Variants in CSMD1 observed in about 807,000 individuals in gnomAD.
The protein encoded by CSMD1 is CUB and Sushi multiple domains 1.
A neutral mutation model predicts 417.5 loss-of-function variants in CSMD1; 213 were observed. The observed-to-expected ratio is 0.51, with a 90% CI of 0.46 to 0.57. The LOEUF (loss-of-function observed/expected upper bound fraction) is 0.57. Ranked by LOEUF, CSMD1 falls within the 20% of genes least tolerant of loss-of-function variation. CSMD1 has a pLI of 0.00. For synonymous variants in CSMD1, 2,862 were observed against 1,736.8 expected, an observed-to-expected ratio of 1.65 and a Z score of -16.11; for missense variants, 6,923 against 4,529.7, an observed-to-expected ratio of 1.53 and a Z score of -15.17.
chr8:3,466,434 G>C (rs923304214), intron 12 of CSMD1, among the ~76,000 whole-genome samples: 11 of 151,812 alleles, frequency 7.2e-5, no homozygotes, highest in African/African-American at 2.4e-4. Context: ...TTTTAAGATG[G>C]AGTCTCACTC....
At chr8:3,304,748 T>TAAAA (rs1804692847) in intron 25 of CSMD1, among the ~76,000 whole-genome samples, 7 of 152,064 alleles carry the variant, frequency 4.6e-5, no homozygotes, top group Non-Finnish European at 1.0e-4. Flanking sequence ...TTTTTTTTAT[T>TAAAA]AAAATGTTAA....
intron 1 of CSMD1, among the ~76,000 whole-genome samples, chr8:4,963,608 T>C (rs181274162): frequency 4.6e-5 from 7 of 152,348 alleles, no homozygotes; most frequent in South Asian, 2.1e-4. Context: ...TGCTATCATT[T>C]ATTTCCTGTA....
chr8:3,160,099 C>A (rs999242728), intron 38 of CSMD1, among the ~76,000 whole-genome samples: 1 of 152,002 alleles, frequency 6.6e-6, no homozygotes, highest in Non-Finnish European at 1.5e-5. Flanking sequence ...TAAATGAGAT[C>A]CTTGAGATAT....
chr8:4,915,303 T>G (rs930599132), intron 1 of CSMD1, among the ~76,000 whole-genome samples: 2 of 152,154 alleles, frequency 1.3e-5, no homozygotes, highest in African/African-American at 4.8e-5. Flanking sequence ...AAAAGCAGAC[T>G]TTCCCGTGTG....
At chr8:4,519,838 A>G (rs367554236) in intron 2 of CSMD1, among the ~76,000 whole-genome samples, 3 of 147,014 alleles carry the variant, frequency 2.0e-5, no homozygotes, top group East Asian at 4.1e-4. Context: ...GCTGAGCTAG[A>G]TCTTATAGGA....
intron 63 of CSMD1, 57 bp downstream of exon 63, chr8:2,957,639 T>A (rs1334973422): frequency 9.0e-7 from 1 of 1,107,152 alleles, no homozygotes; most frequent in African/African-American, 1.6e-5. Context: ...TAAACACGTC[T>A]CAGACATTCA....
chr8:4,075,460 C>A (rs1409792415), intron 3 of CSMD1, among the ~76,000 whole-genome samples: 1 of 151,906 alleles, frequency 6.6e-6, no homozygotes, highest in Non-Finnish European at 1.5e-5. Context: ...TGTTTTCTGT[C>A]CAAATCTCTT....
intron 5 of CSMD1, among the ~76,000 whole-genome samples, chr8:3,989,450 G>A (rs1814583101): frequency 1.3e-5 from 2 of 152,256 alleles, no homozygotes; most frequent in South Asian, 2.1e-4. Flanking sequence ...TTAGCATGCT[G>A]GAACGAGTTG....
At chr8:4,180,824 C>G (rs762355008) in intron 3 of CSMD1, among the ~76,000 whole-genome samples, 4 of 151,976 alleles carry the variant, frequency 2.6e-5, no homozygotes, top group African/African-American at 7.3e-5. Flanking sequence ...ATCCAACCAA[C>G]CAAAATAACA....
At chr8:3,479,939 C>A (rs1563078015) in intron 11 of CSMD1, among the ~76,000 whole-genome samples, 1 of 151,884 alleles carries the variant, frequency 6.6e-6, no homozygotes. Flanking sequence ...CTAAAAATAA[C>A]AGAAGAGAAA....
At chr8:4,610,233 C>G (rs572488090) in intron 2 of CSMD1, among the ~76,000 whole-genome samples, 1 of 152,122 alleles carries the variant, frequency 6.6e-6, no homozygotes, top group African/African-American at 2.4e-5. Context: ...GAAAGAGAGA[C>G]TAAATCCTTC....
Position 4,141,546 on chromosome 8 carries a change from G to T in CSMD1, c.416-109447C>A, listed in dbSNP as rs146542773. On this transcript the variant is annotated intron_variant, in intron 3 of 69. Transcript: ENST00000635120. ...TTTTCACACATGTACAAACAAAGGG[G>T]TTAAGAAGCTCTTACAAACCTGTAC... 2.9e-3 allele frequency among the ~76,000 whole-genome samples: 442 copies of T among 151,166 alleles called. 29 individuals carry two copies. Among genetic ancestry groups the T allele is most frequent in the African/African-American group, 9.9e-3 (402 of 40,526 alleles).
At chr8:4,077,239 T>C (rs1010428413) in intron 3 of CSMD1, among the ~76,000 whole-genome samples, 9 of 145,742 alleles carry the variant, frequency 6.2e-5, no homozygotes, top group African/African-American at 1.9e-4. Context: ...CTACTCCATT[T>C]CTCTACTGAC....
chr8:3,728,141 G>A (rs1182341140), intron 6 of CSMD1, among the ~76,000 whole-genome samples: 1 of 152,142 alleles, frequency 6.6e-6, no homozygotes, highest in Non-Finnish European at 1.5e-5. Flanking sequence ...GGGACCCAGT[G>A]GGAGATAAAT....
At chr8:3,636,276 T>TCCTGAAGG (rs1797041666) in intron 7 of CSMD1, among the ~76,000 whole-genome samples, 1 of 152,158 alleles carries the variant, frequency 6.6e-6, no homozygotes, top group African/African-American at 2.4e-5. Context: ...CTGGAATCCC[T>TCCTGAAGG]CCTGAAGGCC....
chr8:4,303,877 G>C (rs10108263), intron 3 of CSMD1, among the ~76,000 whole-genome samples: 21,028 of 151,872 alleles, frequency 0.14, 1,631 homozygotes, highest in Non-Finnish European at 0.18. Flanking sequence ...GGCTGGTCTC[G>C]AACTCCTGAC....
chr8:4,982,359 C>G (rs1810940054), intron 1 of CSMD1, among the ~76,000 whole-genome samples: 1 of 152,204 alleles, frequency 6.6e-6, no homozygotes, highest in South Asian at 2.1e-4. Context: ...TTGAGTTGTT[C>G]CTGGTGGCAT....
intron 1 of CSMD1, among the ~76,000 whole-genome samples, chr8:4,957,251 G>C (rs796949162): frequency 2.6e-5 from 4 of 152,260 alleles, no homozygotes; most frequent in African/African-American, 9.6e-5. Context: ...TTGCCTTCAG[G>C]AATCCTGGAG....
In CSMD1 at chr8:2,973,110, T is replaced by C; in HGVS notation, c.8923+7A>G. ...CAAGGTGGACCTTAAGGCTTCTGGCTACTCACCCTCACACACCGGCTGCAG... is the reference window on the plus strand; with the variant it reads ...CAAGGTGGACCTTAAGGCTTCTGGCCACTCACCCTCACACACCGGCTGCAG... On this transcript the variant is annotated splice_region_variant and intron_variant, in intron 57 of 69. Transcript: ENST00000635120. The C allele has an allele frequency of 1.2e-6, 2 of 1,612,554 alleles. No individual in the cohort carries two copies. The highest frequency in any genetic ancestry group is 1.7e-6 in the Non-Finnish European group (2 of 1,179,120).
Sources: allele counts gnomAD v4.1 joint callset (sites outside exome capture counted in the v4.1 genomes callset), GRCh38; gene constraint gnomAD v4.1.1; transcripts MANE v1.5; gene names NCBI Gene and HGNC (gene_info 2026-07-23, HGNC 2026-07-21).